Variants in UPF2 observed in about 807,000 individuals in gnomAD.
UPF2 encodes the protein UPF2 regulator of nonsense mediated mRNA decay.
UPF2 carries 17 observed loss-of-function variants against 141.4 expected under a neutral mutation model. The ratio of observed to expected loss-of-function variants is 0.12; its 90% CI spans 0.08 to 0.18. The LOEUF (loss-of-function observed/expected upper bound fraction) is 0.18, where lower values mean the gene tolerates loss of function less well. Among genes scored for constraint, UPF2 ranks in the 10% least tolerant of loss-of-function variants. The probability of loss-of-function intolerance (pLI) is 1.00; values close to 1 mark genes in which losing one functional copy is unlikely to be tolerated. For synonymous variants in UPF2, 540 were observed against 498.0 expected, an observed-to-expected ratio of 1.08 and a Z score of -1.12; for missense variants, 1,152 against 1,515.9, an observed-to-expected ratio of 0.76 and a Z score of 3.99.
chr10:11,955,369 C>G lies in UPF2; in HGVS notation c.2713G>C (p.Gly905Arg), dbSNP rs370212678. The G allele has an allele frequency of 1.2e-6, 2 of 1,614,036 alleles. No homozygotes were observed. The highest frequency in any genetic ancestry group is 2.7e-5 in the African/African-American group (2 of 74,922). The change falls in exon 14 of 22, where the codon GGC becomes CGC. Residue 905 changes from glycine (G) to arginine (R), a missense_variant. This residue lies in a region of UPF2 where 739 missense variants were observed against 1,032.2 expected (regional missense o/e 0.72). Transcript: ENST00000357604. ...SFTSFGVNPD[G>R]SPSSLDPPEH... The stretch of plus-strand genomic sequence containing the variant: ...GGTGGGTCCAGGGAACTTGGAGAGC[C>G]ATCAGGATTAACACCAAATGAGGTA...
intron 3 of UPF2, among the ~76,000 whole-genome samples, chr10:12,022,373 C>T (rs551659749): frequency 1.3e-5 from 2 of 150,522 alleles, no homozygotes; most frequent in Non-Finnish European, 2.9e-5. Flanking sequence ...GATCATGCCA[C>T]TGCACTCCAG....
intron 8 of UPF2, among the ~76,000 whole-genome samples, chr10:11,994,684 G>A (rs1304413803): frequency 1.3e-5 from 2 of 152,068 alleles, no homozygotes; most frequent in African/African-American, 4.8e-5. Flanking sequence ...TGAAAAGATC[G>A]AGTCCTCTTT....
intron 8 of UPF2, among the ~76,000 whole-genome samples, chr10:11,986,836 A>G (rs1340911533): frequency 2.0e-5 from 3 of 152,214 alleles, no homozygotes; most frequent in Admixed American, 6.5e-5. Flanking sequence ...ATTCTCTCAC[A>G]GTTCCAAATT....
chr10:11,993,634 T>C (rs1286890129), intron 8 of UPF2, among the ~76,000 whole-genome samples: 1 of 152,006 alleles, frequency 6.6e-6, no homozygotes, highest in Non-Finnish European at 1.5e-5. Context: ...AATTTTGAAA[T>C]TCCTTGGGTC....
chr10:11,936,619 C>T lies in UPF2; in HGVS notation c.3472G>A (p.Gly1158Ser). Residue 1158 changes from glycine to serine, a missense_variant, in exon 19 of 22, where the codon GGT becomes AGT. Transcript: ENST00000357604. The surrounding 1 kb of genome is among the most constrained non-coding windows in gnomAD (Gnocchi z 6.6). ...GCAGACTCAGCCTCTCCTTCCCCACCTCCCAGTGGGGGCCCTTTCCTCAGC... is the reference window on the plus strand; with the variant it reads ...GCAGACTCAGCCTCTCCTTCCCCACTTCCCAGTGGGGGCCCTTTCCTCAGC... ...SQLRKGPPLGGGEGEAESADT... is the reference protein window; with the variant it reads ...SQLRKGPPLGSGEGEAESADT... The T allele has an allele frequency of 6.2e-6, 10 of 1,613,568 alleles. No individual in the cohort carries two copies. The highest frequency in any genetic ancestry group is 8.5e-6 in the Non-Finnish European group (10 of 1,179,762).
At chr10:12,028,609 A>G in intron 3 of UPF2, 136 bp downstream of exon 3, 1 of 858,964 alleles carries the variant, frequency 1.2e-6, no homozygotes. Context: ...CTACTTTGAA[A>G]TTTTCCTGGA....
chr10:11,971,543 C>T (rs1022143143), intron 9 of UPF2, among the ~76,000 whole-genome samples: 2 of 152,080 alleles, frequency 1.3e-5, no homozygotes, highest in Admixed American at 6.5e-5. Context: ...TGAGCCACCG[C>T]GCCCGGTCTT....
intron 21 of UPF2, among the ~76,000 whole-genome samples, chr10:11,924,005 C>A (rs1456958580): frequency 1.3e-5 from 2 of 152,138 alleles, no homozygotes; most frequent in Non-Finnish European, 2.9e-5. Flanking sequence ...TGAATTAGTA[C>A]CATCTAAGCC....
In UPF2 at chr10:12,017,758, T is replaced by A. The variant is rs141686112; in HGVS notation, c.1146-3574A>T. On this transcript the variant is annotated intron_variant, in intron 3 of 21. Transcript: ENST00000357604. The stretch of plus-strand genomic sequence containing the variant: ...TTTACTCCCATTTTTTTATTATTAT[T>A]ATACTTTAAGTTCTGGGATACATGT... 9.8e-5 allele frequency among the ~76,000 whole-genome samples: 15 copies of A among 152,316 alleles called. No individual in the cohort carries two copies. The East Asian group carries it at 2.9e-3, about 29-fold the overall frequency.
intron 9 of UPF2, among the ~76,000 whole-genome samples, chr10:11,974,156 G>T (rs1381001277): frequency 2.0e-5 from 3 of 151,900 alleles, no homozygotes; most frequent in African/African-American, 7.3e-5. Flanking sequence ...ATGAATGGGA[G>T]TTCACTCATG....
chr10:11,977,143 G>A (rs1201442502), intron 9 of UPF2, among the ~76,000 whole-genome samples: 1 of 152,174 alleles, frequency 6.6e-6, no homozygotes, highest in Non-Finnish European at 1.5e-5. Context: ...TAAATGTCAG[G>A]AGAAACAGAG....
intron 14 of UPF2, 145 bp from the exon 15 acceptor site, chr10:11,952,394 A>G (rs1833087093): frequency 1.5e-6 from 1 of 665,966 alleles, no homozygotes. Context: ...TTAATGGTCA[A>G]CAGCAATGAT....
chr10:11,968,320 GGCC>G (rs1833356813), intron 9 of UPF2, among the ~76,000 whole-genome samples: 1 of 152,076 alleles, frequency 6.6e-6, no homozygotes, highest in African/African-American at 2.4e-5. Context: ...AATTTTACCC[GGCC>G]TAAGGAGGTT....
Position 11,952,469 on chromosome 10 carries a change from C to CTTTT in UPF2, c.2851-224_2851-221dup, listed in dbSNP as rs869201076. 1.6e-3 allele frequency among the ~76,000 whole-genome samples: 158 copies of CTTTT among 97,738 alleles called. 1 individual carries two copies. The highest frequency in any genetic ancestry group is 4.9e-3 in the East Asian group (14 of 2,840). 64.1% of individuals were successfully genotyped at this position (97,738 alleles called of 152,430 possible). The stretch of plus-strand genomic sequence containing the variant: ...GCTATTTGGTGAATTTACTAAATAT[C>CTTTT]TTTTTTTTTTTTTTTTTTTTTTTGA... On this transcript the variant is annotated intron_variant, in intron 14 of 21. Coordinates refer to ENST00000357604, the MANE Select transcript of UPF2 (RefSeq NM_015542.4).
intron 9 of UPF2, among the ~76,000 whole-genome samples, chr10:11,976,251 T>C (rs1189493349): frequency 2.6e-5 from 4 of 152,168 alleles, no homozygotes; most frequent in Admixed American, 1.3e-4. Context: ...ACTGCAGAAA[T>C]ATACTGGATC....
chr10:11,989,715 CA>C (rs1484963984), intron 8 of UPF2, among the ~76,000 whole-genome samples: 3 of 152,306 alleles, frequency 2.0e-5, no homozygotes, highest in Admixed American at 1.3e-4. Context: ...TTGTCCTAGA[CA>C]ATGAGCTAAG....
chr10:12,000,770 C>T (rs975705483), intron 6 of UPF2, among the ~76,000 whole-genome samples: 2 of 152,112 alleles, frequency 1.3e-5, no homozygotes, highest in South Asian at 4.1e-4. Context: ...CATGCCATGG[C>T]ACTCCAGCCT....
chr10:11,966,434 T>C (rs201060930), intron 10 of UPF2, among the ~76,000 whole-genome samples: 1 of 74,674 alleles, frequency 1.3e-5, no homozygotes, highest in Non-Finnish European at 5.1e-5. Context: ...TCTTTTTTTC[T>C]TTTTTTTGAG....
chr10:11,970,388 TAA>T (rs1247719468), intron 9 of UPF2, among the ~76,000 whole-genome samples: 1 of 151,956 alleles, frequency 6.6e-6, no homozygotes, highest in African/African-American at 2.4e-5. Flanking sequence ...ACCAAAATGT[TAA>T]GAGTCTGCTA....
Sources: allele counts gnomAD v4.1 joint callset (sites outside exome capture counted in the v4.1 genomes callset), GRCh38; gene constraint gnomAD v4.1.1; regional missense constraint gnomAD v4.1.1; non-coding constraint Gnocchi (gnomAD v3.1); transcripts MANE v1.5; gene names NCBI Gene and HGNC (gene_info 2026-07-23, HGNC 2026-07-21).